The following AGBL1 variants were observed in gnomAD, a reference collection of about 807,000 sequenced individuals.
The protein encoded by AGBL1 is AGBL carboxypeptidase 1, also known as cytosolic carboxypeptidase 4.
Under a neutral mutation model 118.9 loss-of-function variants are expected in AGBL1, and 130 were observed. That is an observed-to-expected ratio of 1.09 (90% CI 0.95 to 1.26). The LOEUF (loss-of-function observed/expected upper bound fraction) is 1.26, where lower values mean the gene tolerates loss of function less well. AGBL1 is among the 50% of genes most tolerant of loss of function. The probability of loss-of-function intolerance (pLI) is 0.00; values close to 1 mark genes in which losing one functional copy is unlikely to be tolerated. For missense variants in AGBL1, 1,584 were observed against 1,298.1 expected, an observed-to-expected ratio of 1.22 and a Z score of -3.38; for synonymous variants, 555 against 478.9, an observed-to-expected ratio of 1.16 and a Z score of -2.08.
chr15:86,143,408 A>G (rs891951346), intron 2 of AGBL1, among the ~76,000 whole-genome samples: 4 of 152,222 alleles, frequency 2.6e-5, no homozygotes, highest in African/African-American at 7.2e-5. Context: ...ACACACATGT[A>G]TACATACATA....
chr15:86,967,922 G>A (rs1159928344), intron 23 of AGBL1, among the ~76,000 whole-genome samples: 1 of 152,020 alleles, frequency 6.6e-6, no homozygotes, highest in East Asian at 1.9e-4. Context: ...TGGGCAGTAT[G>A]GCCATTTTCA....
intron 3 of AGBL1, among the ~76,000 whole-genome samples, chr15:86,147,868 A>T (rs1019155869): frequency 1.3e-5 from 2 of 152,088 alleles, no homozygotes; most frequent in African/African-American, 2.4e-5. Context: ...GCCGACTGAC[A>T]CCTCATGTAG....
intron 21 of AGBL1, among the ~76,000 whole-genome samples, chr15:86,644,433 A>C (rs2142476861): frequency 6.6e-6 from 1 of 152,276 alleles, no homozygotes; most frequent in Non-Finnish European, 1.5e-5. Flanking sequence ...TCAGCACCTA[A>C]GTCAGGACTT....
At chr15:86,626,110 A>C (rs899081870) in intron 21 of AGBL1, among the ~76,000 whole-genome samples, 5 of 152,206 alleles carry the variant, frequency 3.3e-5, no homozygotes, top group Admixed American at 3.3e-4. Flanking sequence ...AATTCCTCAA[A>C]GTCCTAAAGA....
At chr15:86,903,422 T>G (rs1650460964) in intron 22 of AGBL1, among the ~76,000 whole-genome samples, 1 of 152,198 alleles carries the variant, frequency 6.6e-6, no homozygotes, top group Admixed American at 6.5e-5. Flanking sequence ...ATTTTTTTCA[T>G]TTGTTTCATG....
At chr15:86,512,265 T>C (rs2083060941) in intron 18 of AGBL1, among the ~76,000 whole-genome samples, 1 of 151,992 alleles carries the variant, frequency 6.6e-6, no homozygotes, top group Non-Finnish European at 1.5e-5. Flanking sequence ...TCTGCTCATT[T>C]TGTTTATCTG....
chr15:86,336,591 G>C (rs1392931389), intron 17 of AGBL1, among the ~76,000 whole-genome samples: 1 of 152,216 alleles, frequency 6.6e-6, no homozygotes, highest in East Asian at 1.9e-4. Context: ...ATCAGCATGA[G>C]GAGGGGTGAG....
At chr15:86,258,138 CTT>C in intron 9 of AGBL1, 107 bp downstream of exon 9, 1 of 1,095,284 alleles carries the variant, frequency 9.1e-7, no homozygotes, top group East Asian at 2.4e-5. Flanking sequence ...TAAGAACTGA[CTT>C]TAGTACTGCC....
At chr15:86,085,354 A>G (rs1280025865) in intron 1 of AGBL1, among the ~76,000 whole-genome samples, 1 of 152,140 alleles carries the variant, frequency 6.6e-6, no homozygotes, top group Non-Finnish European at 1.5e-5. Flanking sequence ...ATGACAGTTC[A>G]TGAAGGGGAA....
intron 5 of AGBL1, among the ~76,000 whole-genome samples, chr15:86,203,612 A>G (rs1044848100): frequency 1.3e-5 from 2 of 152,296 alleles, no homozygotes; most frequent in Non-Finnish European, 1.5e-5. Context: ...CTACCTGACC[A>G]CAGCTATTTT....
intron 22 of AGBL1, among the ~76,000 whole-genome samples, chr15:86,891,310 C>A (rs1241810767): frequency 6.6e-6 from 1 of 151,980 alleles, no homozygotes; most frequent in Non-Finnish European, 1.5e-5. Flanking sequence ...TCTTTTCAGA[C>A]AATGAGAAAA....
chr15:86,807,971 C>A (rs959904618), intron 22 of AGBL1, among the ~76,000 whole-genome samples: 2 of 152,056 alleles, frequency 1.3e-5, no homozygotes, highest in Non-Finnish European at 2.9e-5. Flanking sequence ...CATGGGCAAG[C>A]TGTGGAACAT....
chr15:86,316,720 T>A (rs931655283), intron 17 of AGBL1: 1 of 152,230 alleles, frequency 6.6e-6, no homozygotes, highest in Admixed American at 6.5e-5. Flanking sequence ...GACCACATTT[T>A]CCATCTTACC....
At chr15:86,578,878 C>G (rs896613618) in intron 21 of AGBL1, among the ~76,000 whole-genome samples, 1 of 152,090 alleles carries the variant, frequency 6.6e-6, no homozygotes, top group African/African-American at 2.4e-5. Context: ...TGCTCAGTCT[C>G]GGGTATGTCT....
chr15:86,341,718 G>A (rs1595990253), intron 17 of AGBL1, among the ~76,000 whole-genome samples: 1 of 152,256 alleles, frequency 6.6e-6, no homozygotes, highest in South Asian at 2.1e-4. Flanking sequence ...CTATGAGCTA[G>A]AGACCAATCG....
intron 17 of AGBL1, among the ~76,000 whole-genome samples, chr15:86,387,909 G>C (rs1440671154): frequency 6.6e-6 from 1 of 152,184 alleles, no homozygotes; most frequent in East Asian, 1.9e-4. Context: ...GGAGGTAATG[G>C]AGGTCACATG....
At chr15:86,962,680 A>C (rs1230092474) in intron 23 of AGBL1, among the ~76,000 whole-genome samples, 2 of 152,060 alleles carry the variant, frequency 1.3e-5, no homozygotes, top group East Asian at 3.9e-4. Context: ...GAAAAGCCAC[A>C]AACATTTATA....
At chr15:86,698,334 T>G (rs973033958) in intron 22 of AGBL1, among the ~76,000 whole-genome samples, 1 of 151,966 alleles carries the variant, frequency 6.6e-6, no homozygotes, top group Non-Finnish European at 1.5e-5. Flanking sequence ...TTCTTCGAAA[T>G]ATCCCCTAAA....
Position 86,615,933 on chromosome 15 carries a change from A to T in AGBL1, c.2995-58340A>T, listed in dbSNP as rs965799605. Reference sequence around the variant, plus strand: ...TAAGAAAAGATGTCAACAGGAAATAAAAAAAAAATACTCCCACGGAAGTGG... The same window carrying T: ...TAAGAAAAGATGTCAACAGGAAATATAAAAAAAATACTCCCACGGAAGTGG... On this transcript the variant is annotated intron_variant, in intron 21 of 22. Transcript: ENST00000614907. This position sits in a 1 kb window ranked among gnomAD's most constrained non-coding sequence, Gnocchi z 4.3. 2.7e-5 allele frequency among the ~76,000 whole-genome samples: 1 copy of T among 36,494 alleles called. No individual in the cohort carries two copies. Among genetic ancestry groups the T allele is most frequent in the Admixed American group, 2.4e-4 (1 of 4,114 alleles). 23.9% of individuals were successfully genotyped at this position (36,494 alleles called of 152,430 possible).
Sources: allele counts gnomAD v4.1 joint callset (sites outside exome capture counted in the v4.1 genomes callset), GRCh38; gene constraint gnomAD v4.1.1; non-coding constraint Gnocchi (gnomAD v3.1); transcripts MANE v1.5; gene names NCBI Gene and HGNC (gene_info 2026-07-23, HGNC 2026-07-21).